Variants in CNNM3 observed in about 807,000 individuals in gnomAD.
The protein encoded by CNNM3 is cyclin and CBS domain divalent metal cation transport mediator 3.
In CNNM3, 47 loss-of-function variants were observed where a neutral mutation model predicts 57.1. The observed-to-expected ratio is 0.82, with a 90% CI of 0.65 to 1.05. CNNM3 has a LOEUF of 1.05. Ranked by LOEUF, CNNM3 falls within the 50% of genes least tolerant of loss-of-function variation. The pLI is 0.00. For synonymous variants in CNNM3, 507 were observed against 478.2 expected, an observed-to-expected ratio of 1.06 and a Z score of -0.79; for missense variants, 957 against 973.7, an observed-to-expected ratio of 0.98 and a Z score of 0.23.
chr2:96,833,269 G>T lies in CNNM3; in HGVS notation c.*653G>T. 3.0e-6 allele frequency: 1 copy of T among 333,176 alleles called. No individual in the cohort carries two copies. Among genetic ancestry groups the T allele is most frequent in the South Asian group, 2.3e-5 (1 of 42,566 alleles). 20.6% of individuals were successfully genotyped at this position (333,176 alleles called of 1,614,324 possible). On this transcript the variant is annotated 3_prime_UTR_variant, in exon 8 of 8. Transcript: ENST00000305510. ...GGCTGCTCTTCTGATTCTGAGAGCT[G>T]GCCTAGTGGTGCTGAGGGCCCCTTT...
chr2:96,828,158 G>A lies in CNNM3; in HGVS notation c.1749G>A (p.Thr583=), dbSNP rs756349185. The change falls in exon 5 of 8, where the codon ACG becomes ACA. Residue 583 remains threonine, a synonymous_variant. Coordinates refer to ENST00000305510, the MANE Select transcript of CNNM3 (RefSeq NM_017623.5). ...EGLKFENGAF[T]YYGVSALTVP... Reference sequence around the variant, plus strand: ...TGAAGTTTGAGAATGGGGCCTTCACGTACTATGGAGTGTCGGCCCTAACTG... The same window carrying A: ...TGAAGTTTGAGAATGGGGCCTTCACATACTATGGAGTGTCGGCCCTAACTG... 15 of 1,614,132 alleles carry A rather than the reference G, an allele frequency of 9.3e-6. No individual in the cohort carries two copies. The highest frequency in any genetic ancestry group is 1.7e-4 in the Middle Eastern group (1 of 6,060).
intron 1 of CNNM3, among the ~76,000 whole-genome samples, chr2:96,821,063 A>T (rs983588570): frequency 6.6e-6 from 1 of 152,078 alleles, no homozygotes; most frequent in African/African-American, 2.4e-5. Context: ...CTTGGAAGAC[A>T]GTGGGGGAGG....
intron 3 of CNNM3, among the ~76,000 whole-genome samples, chr2:96,827,498 C>T (rs535231113): frequency 6.6e-6 from 1 of 152,216 alleles, no homozygotes; most frequent in South Asian, 2.1e-4. Context: ...CAACTCCTGA[C>T]TGCAGGTGAT....
intron 2 of CNNM3, 68 bp from the exon 3 acceptor site, chr2:96,826,765 C>T: frequency 1.9e-6 from 3 of 1,579,334 alleles, no homozygotes; most frequent in Non-Finnish European, 2.6e-6. Flanking sequence ...GGCGATGCAG[C>T]CCCTTAGTGT....
intron 3 of CNNM3, among the ~76,000 whole-genome samples, chr2:96,827,527 G>A (rs1261766028): frequency 2.0e-5 from 3 of 152,058 alleles, no homozygotes; most frequent in South Asian, 2.1e-4. Flanking sequence ...CTCAGCCTCC[G>A]AAAGTGTTGG....
intron 1 of CNNM3, among the ~76,000 whole-genome samples, chr2:96,822,965 A>T (rs1334590031): frequency 1.3e-5 from 2 of 152,150 alleles, no homozygotes; most frequent in Middle Eastern, 3.2e-3. Context: ...GGCTCCTTGG[A>T]GCTGGCCTGT....
chr2:96,832,733 G>A lies in CNNM3; in HGVS notation c.*117G>A. Reference sequence around the variant, plus strand: ...ATCCCCTCCAGGCCACGTTTTAGATGGCCCTTGTAGTTGCGGGTCCTGGGT... The same window carrying A: ...ATCCCCTCCAGGCCACGTTTTAGATAGCCCTTGTAGTTGCGGGTCCTGGGT... On this transcript the variant is annotated 3_prime_UTR_variant, in exon 8 of 8. Transcript: ENST00000305510. 6.4e-7 allele frequency: 1 copy of A among 1,563,858 alleles called. No homozygotes were observed. The highest frequency in any genetic ancestry group is 8.6e-7 in the Non-Finnish European group (1 of 1,160,112).
At chr2:96,826,343 G>A (rs1292168606) in intron 2 of CNNM3, among the ~76,000 whole-genome samples, 2 of 152,114 alleles carry the variant, frequency 1.3e-5, no homozygotes, top group Non-Finnish European at 2.9e-5. Flanking sequence ...CTCCTGAGCA[G>A]TTGGGACTAC....
At chr2:96,829,241 C>A in intron 7 of CNNM3, 107 bp downstream of exon 7, 1 of 1,348,672 alleles carries the variant, frequency 7.4e-7, no homozygotes, top group East Asian at 2.7e-5. Flanking sequence ...TCTTTTTTCT[C>A]TCTTTTCTCC....
intron 1 of CNNM3, among the ~76,000 whole-genome samples, chr2:96,819,511 T>C (rs1195172172): frequency 6.6e-6 from 1 of 152,220 alleles, no homozygotes; most frequent in Non-Finnish European, 1.5e-5. Flanking sequence ...CGGGACAGGC[T>C]CTGCTGGTAG....
chr2:96,816,769 C>G lies in CNNM3; in HGVS notation c.492C>G (p.Ala164=), dbSNP rs968604223. 12 of 1,020,054 alleles carry G rather than the reference C, an allele frequency of 1.2e-5. No individual in the cohort carries two copies. The African/African-American group carries it at 1.9e-4, about 16-fold the overall frequency. The allele number at this position is 1,020,054 out of a possible 1,614,324, so 63.2% of individuals were successfully genotyped here. A position where few individuals can be genotyped will look rare whatever the true frequency, so the allele number is the denominator to read the frequency against. ...LQLSALALAP[A]EVQVLRESGS... ...TGAGCGCGCTGGCGCTGGCGCCTGC[C>G]GAGGTGCAGGTGCTGCGCGAGAGCG... Residue 164 remains alanine (A), a synonymous_variant, in exon 1 of 8, where the codon GCC becomes GCG. Transcript: ENST00000305510.
At chr2:96,817,761 C>CG (rs1037238384) in intron 1 of CNNM3, among the ~76,000 whole-genome samples, 1 of 151,876 alleles carries the variant, frequency 6.6e-6, no homozygotes, top group Non-Finnish European at 1.5e-5. Context: ...CCCCCCCCCC[C>CG]CATTTGCAGG....
Position 96,817,075 on chromosome 2 carries a change from T to G in CNNM3, c.798T>G (p.Thr266=). 1.5e-6 allele frequency: 2 copies of G among 1,357,708 alleles called. No individual in the cohort carries two copies. Among genetic ancestry groups the G allele is most frequent in the African/African-American group, 3.1e-5 (2 of 64,770 alleles). The allele number at this position is 1,357,708 out of a possible 1,614,324, so 84.1% of individuals were successfully genotyped here. ...TCAGCCGCCTGGCCGTCCTGCTCAC[T>G]CTGCCCGTCGCGCTGCCCGTGGGGC... ...LGLSRLAVLL[T]LPVALPVGQL... Residue 266 remains threonine, a synonymous_variant, in exon 1 of 8, where the codon ACT becomes ACG. Transcript: ENST00000305510.
chr2:96,832,998 G>T lies in CNNM3; in HGVS notation c.*382G>T, dbSNP rs1014170026. The T allele has an allele frequency of 4.5e-6, 6 of 1,329,998 alleles. No individual in the cohort carries two copies. The East Asian group carries it at 2.8e-4, about 61-fold the overall frequency. 82.4% of individuals were successfully genotyped at this position (1,329,998 alleles called of 1,614,324 possible). On this transcript the variant is annotated 3_prime_UTR_variant, in exon 8 of 8. Coordinates refer to ENST00000305510, the MANE Select transcript of CNNM3 (RefSeq NM_017623.5). ...CCTTGTGAGTGCAGTTACTGCCTTT[G>T]TGTGGCCGTGACCTCTATTTGTTTG...
Position 96,817,066 on chromosome 2 carries a change from C to A in CNNM3, c.789C>A (p.Val263=). ...CGCTCGGCCTCAGCCGCCTGGCCGT[C>A]CTGCTCACTCTGCCCGTCGCGCTGC... is the stretch of plus-strand genomic sequence containing the variant. ...PRALGLSRLA[V]LLTLPVALPV... The change falls in exon 1 of 8, where the codon GTC becomes GTA. Residue 263 remains valine, a synonymous_variant. Coordinates refer to ENST00000305510, the MANE Select transcript of CNNM3 (RefSeq NM_017623.5). 2 of 1,366,712 alleles carry A rather than the reference C, an allele frequency of 1.5e-6. No individual in the cohort carries two copies. The highest frequency in any genetic ancestry group is 1.9e-6 in the Non-Finnish European group (2 of 1,064,372). The allele number at this position is 1,366,712 out of a possible 1,614,324, so 84.7% of individuals were successfully genotyped here. A position where few individuals can be genotyped will look rare whatever the true frequency, so the allele number is the denominator to read the frequency against.
In CNNM3 at chr2:96,816,995, C is replaced by T. The variant is rs1043885396; in HGVS notation, c.718C>T (p.Pro240Ser). The T allele has an allele frequency of 2.2e-6, 3 of 1,364,602 alleles. No homozygotes were observed. The highest frequency in any genetic ancestry group is 1.5e-5 in the African/African-American group (1 of 64,788). 84.5% of individuals were successfully genotyped at this position (1,364,602 alleles called of 1,614,324 possible). Reference protein sequence around the residue: ...GLVFLVGEVVPAAVSGRWTLA... With the variant: ...GLVFLVGEVVSAAVSGRWTLA... Reference sequence around the variant, plus strand: ...CGTGTTCCTGGTGGGAGAGGTGGTGCCGGCCGCCGTGAGCGGGCGCTGGAC... The same window carrying T: ...CGTGTTCCTGGTGGGAGAGGTGGTGTCGGCCGCCGTGAGCGGGCGCTGGAC... Residue 240 changes from proline (P) to serine (S), a missense_variant, in exon 1 of 8, where the codon CCG (proline) becomes TCG (serine). Physicochemically the swap from Pro to Ser is moderately conservative, Grantham distance 74. Transcript: ENST00000305510.
chr2:96,816,380 G>A lies in CNNM3; in HGVS notation c.103G>A (p.Gly35Ser). The A allele has an allele frequency of 1.5e-6, 2 of 1,346,258 alleles. No homozygotes were observed. The allele number at this position is 1,346,258 out of a possible 1,614,324, so 83.4% of individuals were successfully genotyped here. Reference sequence around the variant, plus strand: ...GGCCGCGCCGGGCCCGCGAGTGCTGGGCTTCTGCCTGGAGGAGGATGGAGC... The same window carrying A: ...GGCCGCGCCGGGCCCGCGAGTGCTGAGCTTCTGCCTGGAGGAGGATGGAGC... ...GEAAPGPRVL[G>S]FCLEEDGAAG... is the part of the protein sequence containing the mutation. Residue 35 changes from glycine (G) to serine (S), a missense_variant, in exon 1 of 8, where the codon GGC (glycine) becomes AGC (serine). Physicochemically the swap from Gly to Ser is moderately conservative, Grantham distance 56 (BLOSUM62 0). This residue lies in a region of CNNM3 where 466 missense variants were observed against 403.1 expected (regional missense o/e 1.16). Transcript: ENST00000305510.
rs1324812979 is a variant in CNNM3 at position 96,833,013 on chromosome 2, CTATT to C, written c.*399_*402del. 5.3e-6 allele frequency: 7 copies of C among 1,316,224 alleles called. No homozygotes were observed. In the African/African-American group the frequency reaches 7.5e-5, roughly 14 times the overall value. 81.5% of individuals were successfully genotyped at this position (1,316,224 alleles called of 1,614,324 possible). On this transcript the variant is annotated 3_prime_UTR_variant, in exon 8 of 8. Coordinates refer to ENST00000305510, the MANE Select transcript of CNNM3 (RefSeq NM_017623.5). ...TACTGCCTTTGTGTGGCCGTGACCTCTATTTGTTTGCTTTTAATTTGCCAACCTA... is the reference window on the plus strand; with the variant it reads ...TACTGCCTTTGTGTGGCCGTGACCTCTGTTTGCTTTTAATTTGCCAACCTA...
rs1421912709 is a variant in CNNM3 at position 96,816,316 on chromosome 2, G to C, written c.39G>C (p.Trp13Cys). 19 of 1,289,494 alleles carry C rather than the reference G, an allele frequency of 1.5e-5. No homozygotes were observed. Among genetic ancestry groups the C allele is most frequent in the Non-Finnish European group, 1.8e-5 (18 of 1,019,730 alleles). 79.9% of individuals were successfully genotyped at this position (1,289,494 alleles called of 1,614,324 possible). ...AAVAAAGRLG[W>C]LFAALCLGNA... ...TAGCTGCGGCGGGTCGGTTAGGCTG[G>C]TTGTTCGCCGCGCTCTGCCTGGGCA... The change falls in exon 1 of 8, where the codon TGG (tryptophan) becomes TGC (cysteine). Residue 13 changes from tryptophan to cysteine, a missense_variant. By Grantham distance (215) the Trp-to-Cys change is radical. This residue lies in a region of CNNM3 where 466 missense variants were observed against 403.1 expected (regional missense o/e 1.16). Coordinates refer to ENST00000305510, the MANE Select transcript of CNNM3 (RefSeq NM_017623.5).
Sources: gnomAD v4.1 joint callset for allele counts (sites outside exome capture counted in the v4.1 genomes callset) on GRCh38, gnomAD v4.1.1 for gene constraint, gnomAD v4.1.1 regional missense constraint, MANE v1.5 for transcripts, NCBI Gene and HGNC (gene_info 2026-07-23, HGNC 2026-07-21) for gene names.